The following GRIN2A variants were observed in gnomAD, a reference collection of about 807,000 sequenced individuals.
GRIN2A encodes the protein glutamate ionotropic receptor NMDA type subunit 2A.
GRIN2A carries 22 observed loss-of-function variants against 113.4 expected under a neutral mutation model. The ratio of observed to expected loss-of-function variants is 0.19; its 90% CI spans 0.14 to 0.28. The LOEUF is 0.28. GRIN2A is among the 10% of genes least tolerant of loss of function. The pLI, the probability that GRIN2A is intolerant of heterozygous loss-of-function variation, is 1.00. For synonymous variants in GRIN2A, 827 were observed against 738.4 expected, an observed-to-expected ratio of 1.12 and a Z score of -1.94; for missense variants, 1,502 against 1,887.0, an observed-to-expected ratio of 0.80 and a Z score of 3.78.
At chr16:10,083,866 C>T (rs966447148) in intron 2 of GRIN2A, among the ~76,000 whole-genome samples, 1 of 152,156 alleles carries the variant, frequency 6.6e-6, no homozygotes, top group Non-Finnish European at 1.5e-5. Context: ...CTTTGGGAGG[C>T]CAAGGCAGGT....
At chr16:10,024,342 C>A (rs914423561) in intron 2 of GRIN2A, among the ~76,000 whole-genome samples, 1 of 152,316 alleles carries the variant, frequency 6.6e-6, no homozygotes, top group Non-Finnish European at 1.5e-5. Flanking sequence ...TCTGCCTCAG[C>A]CTCCTGAGTA....
At chr16:10,052,339 G>A (rs935393167) in intron 2 of GRIN2A, among the ~76,000 whole-genome samples, 4 of 152,230 alleles carry the variant, frequency 2.6e-5, no homozygotes, top group Non-Finnish European at 5.9e-5. Flanking sequence ...TAAGGAGACT[G>A]AGCCCCGTGG....
intron 10 of GRIN2A, among the ~76,000 whole-genome samples, chr16:9,798,741 T>C (rs1903162911): frequency 6.6e-6 from 1 of 152,224 alleles, no homozygotes; most frequent in Non-Finnish European, 1.5e-5. Flanking sequence ...GTTTGCTAAG[T>C]GTTTGTCCTT....
At chr16:9,799,898 G>C (rs576908873) in intron 10 of GRIN2A, among the ~76,000 whole-genome samples, 1 of 151,960 alleles carries the variant, frequency 6.6e-6, no homozygotes, top group African/African-American at 2.4e-5. Context: ...CATTTCCTTA[G>C]AAATCCTATG....
intron 4 of GRIN2A, among the ~76,000 whole-genome samples, chr16:9,880,013 A>T (rs1483436168): frequency 6.6e-6 from 1 of 152,118 alleles, no homozygotes; most frequent in Non-Finnish European, 1.5e-5. Flanking sequence ...AATTACCTCA[A>T]ACTTACCCAT....
intron 4 of GRIN2A, among the ~76,000 whole-genome samples, chr16:9,886,716 G>A (rs1358173197): frequency 6.6e-6 from 1 of 152,088 alleles, no homozygotes; most frequent in Non-Finnish European, 1.5e-5. Context: ...ATGAATAGAC[G>A]AACCATGAAG....
chr16:10,082,026 A>G (rs1419261122), intron 2 of GRIN2A, among the ~76,000 whole-genome samples: 1 of 152,166 alleles, frequency 6.6e-6, no homozygotes, highest in Non-Finnish European at 1.5e-5. Flanking sequence ...CCACTGGTCT[A>G]TTTTATCCAA....
intron 2 of GRIN2A, among the ~76,000 whole-genome samples, chr16:9,975,210 T>A (rs572866512): frequency 6.6e-6 from 1 of 152,108 alleles, no homozygotes; most frequent in African/African-American, 2.4e-5. Flanking sequence ...AAGGCAGATA[T>A]AATGGGCAAA....
At chr16:9,960,278 T>C (rs1244868555) in intron 2 of GRIN2A, among the ~76,000 whole-genome samples, 2 of 152,204 alleles carry the variant, frequency 1.3e-5, no homozygotes, top group Non-Finnish European at 2.9e-5. Context: ...CATGAAAAAG[T>C]TGGATATAAT....
At chr16:9,982,967 T>C (rs2141782417) in intron 2 of GRIN2A, among the ~76,000 whole-genome samples, 1 of 152,334 alleles carries the variant, frequency 6.6e-6, no homozygotes, top group African/African-American at 2.4e-5. Flanking sequence ...AAATACATCA[T>C]AAGTTCATAC....
At chr16:9,953,860 C>T (rs984258155) in intron 2 of GRIN2A, among the ~76,000 whole-genome samples, 1 of 152,136 alleles carries the variant, frequency 6.6e-6, no homozygotes, top group Non-Finnish European at 1.5e-5. Flanking sequence ...GGTAGAAGCA[C>T]AACCTCAGAG....
At chr16:10,042,434 C>T (rs76908557) in intron 2 of GRIN2A, among the ~76,000 whole-genome samples, 15,840 of 152,092 alleles carry the variant, frequency 0.1, 944 homozygotes, top group African/African-American at 0.15. Context: ...CCAGCAGCCT[C>T]GGAAACAAGC....
intron 2 of GRIN2A, among the ~76,000 whole-genome samples, chr16:10,132,572 C>G (rs971895810): frequency 7.2e-5 from 11 of 152,168 alleles, no homozygotes; most frequent in Admixed American, 6.5e-4. Context: ...CATGCAAGAG[C>G]TAGTCCATAG....
intron 10 of GRIN2A, among the ~76,000 whole-genome samples, chr16:9,801,356 A>G (rs931016875): frequency 1.3e-5 from 2 of 152,118 alleles, no homozygotes; most frequent in Admixed American, 1.3e-4. Flanking sequence ...AAAAATAAAC[A>G]TATACACACA....
At chr16:10,148,141 G>A (rs2049484175) in intron 2 of GRIN2A, among the ~76,000 whole-genome samples, 1 of 152,200 alleles carries the variant, frequency 6.6e-6, no homozygotes, top group African/African-American at 2.4e-5. Context: ...CCAGGAATTG[G>A]CAAACTACAG....
intron 2 of GRIN2A, among the ~76,000 whole-genome samples, chr16:10,134,773 C>T (rs2049156173): frequency 6.6e-6 from 1 of 151,968 alleles, no homozygotes; most frequent in Admixed American, 6.6e-5. Context: ...GGATTCACTC[C>T]ATCAGACAAA....
chr16:9,832,252 C>G (rs1426618713), intron 8 of GRIN2A, among the ~76,000 whole-genome samples: 1 of 151,994 alleles, frequency 6.6e-6, no homozygotes, highest in Admixed American at 6.6e-5. Flanking sequence ...CACTGCACCC[C>G]CTCAGCCTTT....
chr16:9,805,670 A>G (rs2041952153), intron 10 of GRIN2A: 1 of 152,232 alleles, frequency 6.6e-6, no homozygotes. Flanking sequence ...ATAACTTATT[A>G]CAGGGCTGGC....
rs573178172 is a variant in GRIN2A, at chr16:9,923,667, C to T, written c.1007+14292G>A. On this transcript the variant is annotated intron_variant, in intron 3 of 12. Transcript: ENST00000330684. ...CAAGTGATGTTATACCACTATACTA[C>T]GTAAGTATACCATAAGACCTTCAAA... Among the ~76,000 whole-genome samples the T allele has an allele frequency of 1.2e-3, 181 of 152,166 alleles. 2 individuals carry two copies. Among genetic ancestry groups the T allele is most frequent in the African/African-American group, 4.2e-3 (175 of 41,526 alleles).
Sources: gnomAD v4.1 joint callset for allele counts (sites outside exome capture counted in the v4.1 genomes callset) on GRCh38, gnomAD v4.1.1 for gene constraint, MANE v1.5 for transcripts, NCBI Gene and HGNC (gene_info 2026-07-23, HGNC 2026-07-21) for gene names.